The following ARHGAP10 variants were observed in gnomAD, a reference collection of about 807,000 sequenced individuals.
The protein encoded by ARHGAP10 is Rho GTPase activating protein 10.
Under a neutral mutation model 108.6 loss-of-function variants are expected in ARHGAP10, and 87 were observed. The ratio of observed to expected loss-of-function variants is 0.80; its 90% CI spans 0.67 to 0.96. The LOEUF (loss-of-function observed/expected upper bound fraction) is 0.96. Ranked by LOEUF, ARHGAP10 falls within the 40% of genes least tolerant of loss-of-function variation. The pLI, the probability that ARHGAP10 is intolerant of heterozygous loss-of-function variation, is 0.00. For synonymous variants in ARHGAP10, 347 were observed against 341.1 expected, an observed-to-expected ratio of 1.02 and a Z score of -0.19; for missense variants, 939 against 954.5, an observed-to-expected ratio of 0.98 and a Z score of 0.21.
At chr4:148,046,117 GCAAGAA>G (rs1402133222) in intron 19 of ARHGAP10, among the ~76,000 whole-genome samples, 2 of 152,248 alleles carry the variant, frequency 1.3e-5, no homozygotes, top group Non-Finnish European at 2.9e-5. Context: ...GACTGTGAAA[GCAAGAA>G]GACCAATAGA....
chr4:147,972,052 TG>T (rs1397346604), intron 18 of ARHGAP10, among the ~76,000 whole-genome samples: 3 of 151,996 alleles, frequency 2.0e-5, no homozygotes, highest in Non-Finnish European at 4.4e-5. Context: ...CAAAGGGGTT[TG>T]GGGGAGGAGT....
chr4:147,993,620 C>CT, intron 18 of ARHGAP10, among the ~76,000 whole-genome samples: 1 of 152,320 alleles, frequency 6.6e-6, no homozygotes, highest in Admixed American at 6.5e-5. Context: ...TGGAGATCGT[C>CT]TGAGTTTGGA....
intron 1 of ARHGAP10, among the ~76,000 whole-genome samples, chr4:147,767,705 G>A (rs1729894080): frequency 6.6e-6 from 1 of 152,078 alleles, no homozygotes; most frequent in Admixed American, 6.6e-5. Context: ...TCCACTCTGG[G>A]CAATATAATG....
At chr4:147,824,981 T>G (rs72955575) in intron 3 of ARHGAP10, among the ~76,000 whole-genome samples, 2,457 of 152,272 alleles carry the variant, frequency 0.016, 69 homozygotes, top group African/African-American at 0.055. Flanking sequence ...TACCTTGCCC[T>G]AGATCACATG....
chr4:148,009,897 G>C (rs576256644), intron 18 of ARHGAP10, among the ~76,000 whole-genome samples: 1 of 152,306 alleles, frequency 6.6e-6, no homozygotes, highest in South Asian at 2.1e-4. Context: ...TCAGAACGTT[G>C]TGAAGGCTGC....
At chr4:148,001,573 G>A (rs1000794104) in intron 18 of ARHGAP10, among the ~76,000 whole-genome samples, 2 of 151,752 alleles carry the variant, frequency 1.3e-5, no homozygotes, top group South Asian at 2.1e-4. Flanking sequence ...ATTTGTTTGT[G>A]TCCTCTTTTA....
intron 18 of ARHGAP10, among the ~76,000 whole-genome samples, chr4:147,971,829 A>T (rs1467753464): frequency 1.3e-5 from 2 of 152,164 alleles, no homozygotes; most frequent in Non-Finnish European, 2.9e-5. Context: ...CAGGATTTGC[A>T]GTAGGAAGTA....
rs369352746 is a variant in ARHGAP10 at position 148,030,098 on chromosome 4, C to T, written c.1867+6685C>T. On this transcript the variant is annotated intron_variant, in intron 19 of 22. Coordinates refer to ENST00000336498, the MANE Select transcript of ARHGAP10 (RefSeq NM_024605.4). ...TGCTTCTGTGTGGGATGAACATTTC[C>T]CCCTTTCTGTGGAGGAGGAAAAAAA... 1.5e-4 allele frequency among the ~76,000 whole-genome samples: 23 copies of T among 151,584 alleles called. No individual in the cohort carries two copies. In the East Asian group the frequency reaches 3.9e-3, roughly 26 times the overall value.
chr4:147,736,215 A>T (rs1458448067), intron 1 of ARHGAP10, among the ~76,000 whole-genome samples: 2 of 152,030 alleles, frequency 1.3e-5, no homozygotes, highest in African/African-American at 4.8e-5. Flanking sequence ...AAAAGGATGT[A>T]AAGGGCCTTG....
intron 18 of ARHGAP10, among the ~76,000 whole-genome samples, chr4:148,005,194 C>T (rs373373165): frequency 5.9e-5 from 9 of 152,272 alleles, no homozygotes; most frequent in East Asian, 1.9e-4. Flanking sequence ...GTGTCTATAA[C>T]GCTGCATGTC....
At chr4:148,053,075 A>G (rs766107116) in intron 20 of ARHGAP10, among the ~76,000 whole-genome samples, 121 of 152,302 alleles carry the variant, frequency 7.9e-4, no homozygotes, top group Non-Finnish European at 4.3e-4. Context: ...ATGACGTTTC[A>G]TCTTAATGCT....
chr4:148,064,299 G>T, intron 21 of ARHGAP10, 117 bp from the exon 22 acceptor site: 1 of 702,884 alleles, frequency 1.4e-6, no homozygotes, highest in Non-Finnish European at 2.4e-6. Flanking sequence ...TTCTCTTTTG[G>T]GAGGAGTTGC....
chr4:147,751,831 C>T (rs1363535811), intron 1 of ARHGAP10, among the ~76,000 whole-genome samples: 1 of 151,024 alleles, frequency 6.6e-6, no homozygotes, highest in East Asian at 1.9e-4. Flanking sequence ...CCCGAGGGTA[C>T]TCATCTAGGT....
At chr4:148,020,327 T>G (rs1290649256) in intron 18 of ARHGAP10, among the ~76,000 whole-genome samples, 2 of 152,160 alleles carry the variant, frequency 1.3e-5, no homozygotes, top group South Asian at 2.1e-4. Context: ...TGGGGCTACA[T>G]GTACAGGATT....
chr4:147,865,851 A>G (rs1370580295), intron 6 of ARHGAP10: 2 of 152,250 alleles, frequency 1.3e-5, no homozygotes, highest in Non-Finnish European at 2.9e-5. Flanking sequence ...ATGTGAAATA[A>G]TAATAATGGC....
At chr4:147,867,366 G>T (rs940813580) in intron 7 of ARHGAP10, among the ~76,000 whole-genome samples, 1 of 152,164 alleles carries the variant, frequency 6.6e-6, no homozygotes, top group African/African-American at 2.4e-5. Flanking sequence ...TGATCAGGTG[G>T]TATATGTTTT....
rs754563264 is a variant in ARHGAP10 at position 147,766,812 on chromosome 4, ATATATATATATATATATATATATATATT to A, written c.154+34361_154+34388del. Among the ~76,000 whole-genome samples, 6 of 4,888 alleles carry A rather than the reference ATATATATATATATATATATATATATATT, an allele frequency of 1.2e-3. No homozygotes were observed. The Non-Finnish European group carries it at 0.029, about 24-fold the overall frequency. The allele number at this position is 4,888 out of a possible 152,430, so 3.2% of individuals were successfully genotyped here. A position where few individuals can be genotyped will look rare whatever the true frequency, so the allele number is the denominator to read the frequency against. The stretch of plus-strand genomic sequence containing the variant: ...TACATATATTCACATATATATATAT[ATATATATATATATATATATATATATATT>A]TATTTATTTATTTATTTATTTTATG... On this transcript the variant is annotated intron_variant, in intron 1 of 22. Transcript: ENST00000336498.
At chr4:147,961,482 A>G (rs553455196) in intron 16 of ARHGAP10, among the ~76,000 whole-genome samples, 1 of 152,184 alleles carries the variant, frequency 6.6e-6, no homozygotes, top group African/African-American at 2.4e-5. Context: ...AGTACTTTGT[A>G]CTAAGGTCAT....
intron 19 of ARHGAP10, among the ~76,000 whole-genome samples, chr4:148,026,197 G>C (rs2149665917): frequency 6.6e-6 from 1 of 152,296 alleles, no homozygotes; most frequent in Middle Eastern, 3.4e-3. Flanking sequence ...AGTAGAGTAT[G>C]AAACTGTGTG....
Sources: allele counts gnomAD v4.1 joint callset (sites outside exome capture counted in the v4.1 genomes callset), GRCh38; gene constraint gnomAD v4.1.1; transcripts MANE v1.5; gene names NCBI Gene and HGNC (gene_info 2026-07-23, HGNC 2026-07-21).